The following GLP1R variants were observed in gnomAD, a reference collection of about 807,000 sequenced individuals.
The protein encoded by GLP1R is glucagon-like peptide 1 receptor.
GLP1R carries 32 observed loss-of-function variants against 68.4 expected under a neutral mutation model. That is an observed-to-expected ratio of 0.47 (90% CI 0.35 to 0.63). The LOEUF is 0.63. Ranked by LOEUF, GLP1R falls within the 20% of genes least tolerant of loss-of-function variation. The pLI, the probability that GLP1R is intolerant of heterozygous loss-of-function variation, is 0.00. For missense variants in GLP1R, 502 were observed against 594.9 expected (o/e 0.84, Z 1.62); for synonymous variants, 263 against 244.4 (o/e 1.08, Z -0.71).
Position 39,079,614 on chromosome 6 carries a change from T to C in GLP1R, c.1094T>C (p.Val365Ala). Residue 365 changes from valine (V) to alanine (A), a missense_variant, in exon 11 of 13, where the codon GTC becomes GCC. By Grantham distance (64) the Val-to-Ala change is moderately conservative. Transcript: ENST00000373256. This position sits in a 1 kb window ranked among gnomAD's most constrained non-coding sequence, Gnocchi z 4.5. The part of the protein sequence containing the change: ...TLIPLLGTHE[V>A]IFAFVMDEHA... ...ATCCCCCTGCTGGGGACTCATGAGG[T>C]CATCTTTGCCTTTGTGATGGACGAG... The C allele has an allele frequency of 6.2e-7, 1 of 1,610,864 alleles. No homozygotes were observed. Among genetic ancestry groups the C allele is most frequent in the Non-Finnish European group, 8.5e-7 (1 of 1,178,736 alleles).
At chr6:39,085,132 C>A (rs993954276) in intron 12 of GLP1R, among the ~76,000 whole-genome samples, 7 of 152,248 alleles carry the variant, frequency 4.6e-5, no homozygotes, top group South Asian at 4.2e-4. Flanking sequence ...TTGCCACAAA[C>A]CCTCAAGGGA....
intron 12 of GLP1R, among the ~76,000 whole-genome samples, chr6:39,082,596 T>G (rs925050261): frequency 6.6e-6 from 1 of 152,114 alleles, no homozygotes; most frequent in Non-Finnish European, 1.5e-5. Context: ...CACTGCCATA[T>G]CCTCAAAATG....
rs567576783 is a variant in GLP1R, at chr6:39,086,871, A to G, written c.*798A>G. ...ATGAGCTGCCAAGTCTATTTTAAAG[A>G]CGCTCAAGAATCCTCTGGGGTTCAT... is the stretch of plus-strand genomic sequence containing the variant. On this transcript the variant is annotated 3_prime_UTR_variant, in exon 13 of 13. Transcript: ENST00000373256. This position sits in a 1 kb window ranked among gnomAD's most constrained non-coding sequence, Gnocchi z 4.5. 1.3e-5 allele frequency: 2 copies of G among 152,666 alleles called. No individual in the cohort carries two copies. The highest frequency in any genetic ancestry group is 4.2e-4 in the South Asian group (2 of 4,814). The allele number at this position is 152,666 out of a possible 1,614,324, so 9.5% of individuals were successfully genotyped here.
Position 39,048,917 on chromosome 6 carries a change from A to C in GLP1R, c.77A>C (p.Gln26Pro). The C allele has an allele frequency of 1.5e-6, 2 of 1,366,464 alleles. No individual in the cohort carries two copies. The highest frequency in any genetic ancestry group is 1.9e-6 in the Non-Finnish European group (2 of 1,041,682). 84.6% of individuals were successfully genotyped at this position (1,366,464 alleles called of 1,614,324 possible). The stretch of plus-strand genomic sequence containing the variant: ...GTGGGCAGGGCCGGCCCCCGCCCCC[A>C]GGTGAGATCCAGGGACCCCGACGAC... ...GMVGRAGPRP[Q>P]GATVSLWETV... is the part of the protein sequence containing the mutation. The change falls in exon 1 of 13, where the codon CAG (glutamine) becomes CCG (proline). Residue 26 changes from glutamine (Q) to proline (P), a missense_variant and splice_region_variant. Physicochemically the swap from Gln to Pro is moderately conservative, Grantham distance 76. Transcript: ENST00000373256.
At chr6:39,055,827 T>C (rs996542359) in intron 1 of GLP1R, among the ~76,000 whole-genome samples, 2 of 152,058 alleles carry the variant, frequency 1.3e-5, no homozygotes, top group African/African-American at 4.8e-5. Context: ...ACGCCACTAC[T>C]CTCCCCGGCC....
chr6:39,079,291 G>T lies in GLP1R; in HGVS notation c.1043+91G>T. ...AGAGAGAGAGATCCTGGGATGCTTA[G>T]CTTAGAGCCCTACACTACCCTCTCC... On this transcript the variant is annotated intron_variant, in intron 10 of 12. Transcript: ENST00000373256. The surrounding 1 kb of genome is among the most constrained non-coding windows in gnomAD (Gnocchi z 4.5). 9.8e-7 allele frequency: 1 copy of T among 1,018,236 alleles called. No individual in the cohort carries two copies. 63.1% of individuals were successfully genotyped at this position (1,018,236 alleles called of 1,614,324 possible).
intron 3 of GLP1R, among the ~76,000 whole-genome samples, chr6:39,062,693 T>C (rs749615872): frequency 4.7e-4 from 71 of 152,336 alleles, no homozygotes; most frequent in Middle Eastern, 3.4e-3. Flanking sequence ...CCACATTCTT[T>C]CCTATTAACA....
chr6:39,078,217 G>T, intron 7 of GLP1R, 105 bp from the exon 8 acceptor site: 1 of 817,504 alleles, frequency 1.2e-6, no homozygotes. Flanking sequence ...GGCAAGGAGA[G>T]GGGCTGGAAG....
intron 1 of GLP1R, among the ~76,000 whole-genome samples, chr6:39,053,745 A>G (rs2150819629): frequency 1.3e-5 from 2 of 152,290 alleles, no homozygotes; most frequent in South Asian, 4.1e-4. Flanking sequence ...GTCCAGGCCC[A>G]GATCTGAGCC....
At chr6:39,081,427 A>G (rs1428598302) in intron 12 of GLP1R, among the ~76,000 whole-genome samples, 1 of 151,990 alleles carries the variant, frequency 6.6e-6, no homozygotes, top group Non-Finnish European at 1.5e-5. Context: ...AGGATGGGAG[A>G]AGGGGGTTCT....
At chr6:39,051,516 A>G (rs1272480798) in intron 1 of GLP1R, among the ~76,000 whole-genome samples, 1 of 152,096 alleles carries the variant, frequency 6.6e-6, no homozygotes, top group South Asian at 2.1e-4. Context: ...CCTGGACAGG[A>G]CCCAGGCTGG....
chr6:39,071,725 T>TA (rs1346314379), intron 5 of GLP1R, among the ~76,000 whole-genome samples: 1 of 152,188 alleles, frequency 6.6e-6, no homozygotes, highest in Non-Finnish European at 1.5e-5. Flanking sequence ...CTAGAAATCA[T>TA]ATAGCAAAAT....
chr6:39,070,740 G>GCTTTTTCATATCCTTTGCTTA (rs1378637923), intron 5 of GLP1R, among the ~76,000 whole-genome samples: 1 of 151,928 alleles, frequency 6.6e-6, no homozygotes, highest in African/African-American at 2.4e-5. Context: ...TCTGTGAGTT[G>GCTTTTTCATATCCTTTGCTTA]CTTTTTCATA....
In GLP1R at chr6:39,086,953, G is replaced by A. The variant is rs1481944080; in HGVS notation, c.*880G>A. ...GGTGTAGATTACCTGCCACTTCCAG[G>A]AGCCCAGAGGGCCAAGAGAGACATT... On this transcript the variant is annotated 3_prime_UTR_variant, in exon 13 of 13. Transcript: ENST00000373256. The surrounding 1 kb of genome is among the most constrained non-coding windows in gnomAD (Gnocchi z 4.5). 6.6e-6 allele frequency: 1 copy of A among 151,924 alleles called. No homozygotes were observed. Among genetic ancestry groups the A allele is most frequent in the African/African-American group, 2.4e-5 (1 of 41,184 alleles). 9.4% of individuals were successfully genotyped at this position (151,924 alleles called of 1,614,324 possible).
intron 1 of GLP1R, among the ~76,000 whole-genome samples, chr6:39,054,255 C>T (rs1194580444): frequency 6.6e-6 from 1 of 152,020 alleles, no homozygotes; most frequent in Non-Finnish European, 1.5e-5. Flanking sequence ...CCCCTCCACC[C>T]ACGACCACCC....
At chr6:39,067,529 A>T (rs1268696230) in intron 5 of GLP1R, among the ~76,000 whole-genome samples, 1 of 152,206 alleles carries the variant, frequency 6.6e-6, no homozygotes, top group Admixed American at 6.5e-5. Flanking sequence ...ATAAGGTACT[A>T]ATCCCATTCG....
At position 39,048,850 on chromosome 6, in the gene GLP1R, G is replaced by A; in HGVS notation, c.10G>A (p.Ala4Thr). The A allele has an allele frequency of 5.4e-6, 8 of 1,478,766 alleles. No homozygotes were observed. Among genetic ancestry groups the A allele is most frequent in the Middle Eastern group, 2.1e-4 (1 of 4,876 alleles). 91.6% of individuals were successfully genotyped at this position (1,478,766 alleles called of 1,614,324 possible). Residue 4 changes from alanine to threonine, a missense_variant, in exon 1 of 13, where the codon GCC becomes ACC. By Grantham distance (58) the Ala-to-Thr change is moderately conservative. Transcript: ENST00000373256. ...TCCTGAACTCCCCGCCATGGCCGGCGCCCCCGGCCCGCTGCGCCTTGCGCT... is the reference window on the plus strand; with the variant it reads ...TCCTGAACTCCCCGCCATGGCCGGCACCCCCGGCCCGCTGCGCCTTGCGCT... Reference protein sequence around the residue: MAGAPGPLRLALLL... With the variant: MAGTPGPLRLALLL...
In GLP1R at chr6:39,065,733, G is replaced by A. The variant is rs1470064320; in HGVS notation, c.306G>A (p.Arg102=). The A allele has an allele frequency of 1.3e-6, 2 of 1,571,648 alleles. No individual in the cohort carries two copies. The highest frequency in any genetic ancestry group is 1.7e-6 in the Non-Finnish European group (2 of 1,157,836). The change falls in exon 4 of 13, where the codon CGG becomes CGA. Residue 102 remains arginine, a synonymous_variant. Transcript: ENST00000373256. The stretch of plus-strand genomic sequence containing the variant: ...CAGTGCCGCAGGGCCACGTGTACCG[G>A]TTCTGCACAGCTGAAGGCCTCTGGC... ...ASSVPQGHVY[R]FCTAEGLWLQ... is the part of the protein sequence containing the mutation.
chr6:39,084,421 G>A (rs1385021176), intron 12 of GLP1R, among the ~76,000 whole-genome samples: 1 of 152,170 alleles, frequency 6.6e-6, no homozygotes, highest in Non-Finnish European at 1.5e-5. Flanking sequence ...AAGTCCCATA[G>A]GTGTCCCTGA....
Sources: allele counts gnomAD v4.1 joint callset (sites outside exome capture counted in the v4.1 genomes callset), GRCh38; gene constraint gnomAD v4.1.1; non-coding constraint Gnocchi (gnomAD v3.1); transcripts MANE v1.5; gene names NCBI Gene and HGNC (gene_info 2026-07-23, HGNC 2026-07-21).